Variants in INPP4B observed in about 807,000 individuals in gnomAD.
INPP4B encodes the protein inositol polyphosphate-4-phosphatase type II B.
In INPP4B, 55 loss-of-function variants were observed where a neutral mutation model predicts 122.5. The observed-to-expected ratio is 0.45, with a 90% CI of 0.36 to 0.56. The LOEUF is 0.56. Among genes scored for constraint, INPP4B ranks in the 20% least tolerant of loss-of-function variants. The pLI is 0.00. For missense variants in INPP4B, 1,000 were observed against 1,097.7 expected (o/e 0.91, Z 1.26); for synonymous variants, 403 against 388.7 (o/e 1.04, Z -0.43).
intron 2 of INPP4B, among the ~76,000 whole-genome samples, chr4:142,555,042 C>T (rs1039722392): frequency 1.3e-5 from 2 of 152,106 alleles, no homozygotes; most frequent in Admixed American, 6.5e-5. Context: ...AAAGACTGGC[C>T]CCCAGGAAGC....
chr4:142,393,531 A>G (rs902281388), intron 7 of INPP4B, among the ~76,000 whole-genome samples: 3 of 152,234 alleles, frequency 2.0e-5, no homozygotes, highest in African/African-American at 7.2e-5. Flanking sequence ...AGTGACATTA[A>G]TGACTAAAGT....
At chr4:142,454,594 TA>T (rs1418879814) in intron 3 of INPP4B, among the ~76,000 whole-genome samples, 1 of 152,088 alleles carries the variant, frequency 6.6e-6, no homozygotes, top group Non-Finnish European at 1.5e-5. Flanking sequence ...CGTCATGTCA[TA>T]CAGCATTTAT....
At chr4:142,159,739 C>T (rs190293560) in intron 17 of INPP4B, among the ~76,000 whole-genome samples, 2 of 152,026 alleles carry the variant, frequency 1.3e-5, no homozygotes. Context: ...TCACGTTTCT[C>T]CCATCATATT....
chr4:142,586,736 T>A lies in INPP4B; in HGVS notation c.-190-124010A>T, dbSNP rs142044887. Among the ~76,000 whole-genome samples the A allele has an allele frequency of 5.2e-3, 794 of 152,180 alleles. 6 individuals carry two copies. Among genetic ancestry groups the A allele is most frequent in the African/African-American group, 0.017 (720 of 41,526 alleles). ...ACTGAGAAAGTATATAGAAGAGGCA[T>A]TTATTTTACCTTGTGAGGAGGAAGG... On this transcript the variant is annotated intron_variant, in intron 2 of 25. Coordinates refer to ENST00000262992, the MANE Select transcript of INPP4B (RefSeq NM_001101669.3).
chr4:142,348,319 A>G (rs1241717363), intron 7 of INPP4B, among the ~76,000 whole-genome samples: 2 of 151,952 alleles, frequency 1.3e-5, no homozygotes, highest in East Asian at 3.9e-4. Context: ...GACCTTTGCC[A>G]TTTTGAGGGA....
At chr4:142,122,370 T>C (rs112862933) in intron 20 of INPP4B, 125 bp from the exon 21 acceptor site, 1 of 714,782 alleles carries the variant, frequency 1.4e-6, no homozygotes, top group Admixed American at 2.6e-5. Flanking sequence ...GCAGTGAACC[T>C]ACTCTAGACA....
At chr4:142,207,952 T>G (rs1003199072) in intron 14 of INPP4B, among the ~76,000 whole-genome samples, 3 of 152,116 alleles carry the variant, frequency 2.0e-5, no homozygotes, top group African/African-American at 7.2e-5. Flanking sequence ...TTAAATACTC[T>G]ACCACCTTCT....
At chr4:142,326,179 T>C (rs1311345130) in intron 7 of INPP4B, among the ~76,000 whole-genome samples, 1 of 152,160 alleles carries the variant, frequency 6.6e-6, no homozygotes, top group Admixed American at 6.5e-5. Flanking sequence ...ACCCCGTCGG[T>C]TTTCTTGCAC....
chr4:142,225,548 A>G (rs1851179469), intron 12 of INPP4B, among the ~76,000 whole-genome samples: 1 of 148,920 alleles, frequency 6.7e-6, no homozygotes, highest in East Asian at 1.9e-4. Flanking sequence ...GTATATATAT[A>G]AATATGTATA....
chr4:142,026,878 T>C lies in INPP4B; in HGVS notation c.*1904A>G, dbSNP rs1164063771. The C allele has an allele frequency of 1.3e-5, 2 of 152,230 alleles. No homozygotes were observed. The allele number at this position is 152,230 out of a possible 1,614,324, so 9.4% of individuals were successfully genotyped here. On this transcript the variant is annotated 3_prime_UTR_variant, in exon 26 of 26. Coordinates refer to ENST00000262992, the MANE Select transcript of INPP4B (RefSeq NM_001101669.3). ...GCTTATAAGAGTATTTACAGAATGA[T>C]AAATTACTTAAGGTTTCTTAGAACT... is the stretch of plus-strand genomic sequence containing the variant.
At chr4:142,260,447 A>G (rs763219396) in intron 11 of INPP4B, 45 bp downstream of exon 11, 2 of 1,189,592 alleles carry the variant, frequency 1.7e-6, no homozygotes, top group Non-Finnish European at 2.5e-6. Context: ...TAAAATTAAA[A>G]TTCATTTTTG....
intron 1 of INPP4B, among the ~76,000 whole-genome samples, chr4:142,737,304 G>T (rs1488890278): frequency 2.6e-5 from 4 of 152,006 alleles, no homozygotes; most frequent in African/African-American, 9.7e-5. Flanking sequence ...CAGAAATAAT[G>T]CCACATATCT....
At chr4:142,782,533 T>A (rs1254108226) in intron 1 of INPP4B, among the ~76,000 whole-genome samples, 1 of 151,632 alleles carries the variant, frequency 6.6e-6, no homozygotes, top group East Asian at 1.9e-4. Flanking sequence ...GTATTTCTAG[T>A]TCTAGATCCC....
chr4:142,646,575 G>T (rs762643553), intron 2 of INPP4B, among the ~76,000 whole-genome samples: 41 of 152,202 alleles, frequency 2.7e-4, no homozygotes, highest in Admixed American at 3.9e-4. Context: ...AGACATGTCA[G>T]AATTCAAAGG....
intron 23 of INPP4B, among the ~76,000 whole-genome samples, chr4:142,105,896 C>G (rs1345514999): frequency 1.3e-5 from 2 of 152,058 alleles, no homozygotes; most frequent in African/African-American, 4.8e-5. Flanking sequence ...TAGCAAATGG[C>G]CTAACCTCTA....
intron 4 of INPP4B, among the ~76,000 whole-genome samples, chr4:142,430,469 C>T (rs1385005118): frequency 6.6e-6 from 1 of 151,776 alleles, no homozygotes; most frequent in Non-Finnish European, 1.5e-5. Context: ...CATATATTTG[C>T]CAGTGTTAAA....
intron 12 of INPP4B, among the ~76,000 whole-genome samples, chr4:142,211,726 G>A (rs573292077): frequency 1.6e-4 from 25 of 152,258 alleles, no homozygotes; most frequent in Admixed American, 4.6e-4. Flanking sequence ...ATGTTTCATC[G>A]ATAAAGAGTC....
chr4:142,473,665 C>T (rs1355283390), intron 2 of INPP4B, among the ~76,000 whole-genome samples: 1 of 152,198 alleles, frequency 6.6e-6, no homozygotes, highest in Non-Finnish European at 1.5e-5. Context: ...TGGACAAGGT[C>T]CCATGTTAGG....
intron 2 of INPP4B, among the ~76,000 whole-genome samples, chr4:142,632,643 A>G (rs1748223250): frequency 6.6e-6 from 1 of 152,114 alleles, no homozygotes; most frequent in East Asian, 1.9e-4. Context: ...TTTAGATTAA[A>G]TATATAAAAA....
Sources: allele counts gnomAD v4.1 joint callset (sites outside exome capture counted in the v4.1 genomes callset), GRCh38; gene constraint gnomAD v4.1.1; transcripts MANE v1.5; gene names NCBI Gene and HGNC (gene_info 2026-07-23, HGNC 2026-07-21).